The following KALRN variants were observed in gnomAD, a reference collection of about 807,000 sequenced individuals.
The protein encoded by KALRN is kalirin.
KALRN carries 70 observed loss-of-function variants against 353.7 expected under a neutral mutation model. The observed-to-expected ratio is 0.20, with a 90% confidence interval of 0.16 to 0.24. KALRN has a LOEUF of 0.24. Among genes scored for constraint, KALRN ranks in the 10% least tolerant of loss-of-function variants. KALRN has a pLI of 1.00. For synonymous variants in KALRN, 1,391 were observed against 1,434.8 expected, an observed-to-expected ratio of 0.97 and a Z score of 0.69; for missense variants, 2,791 against 3,756.7, an observed-to-expected ratio of 0.74 and a Z score of 6.72.
At chr3:124,363,995 C>G (rs2084352625) in intron 10 of KALRN, among the ~76,000 whole-genome samples, 1 of 152,212 alleles carries the variant, frequency 6.6e-6, no homozygotes, top group Non-Finnish European at 1.5e-5. Flanking sequence ...AGTGACCTCT[C>G]AACAGCAAGC....
intron 57 of KALRN, among the ~76,000 whole-genome samples, chr3:124,708,545 T>C (rs1203872800): frequency 1.3e-5 from 2 of 152,020 alleles, no homozygotes; most frequent in Non-Finnish European, 2.9e-5. Flanking sequence ...GTTGGTGAAA[T>C]TGAAGAGGAA....
At chr3:124,146,874 C>CAAAAAAAAAAA (rs34633708) in intron 1 of KALRN, among the ~76,000 whole-genome samples, 47 of 49,890 alleles carry the variant, frequency 9.4e-4, no homozygotes, top group Admixed American at 3.2e-3. Flanking sequence ...GACTCTGTCT[C>CAAAAAAAAAAA]AAAAAAAAAA....
chr3:124,677,490 G>A (rs1005304587), intron 49 of KALRN: 10 of 433,542 alleles, frequency 2.3e-5, no homozygotes, highest in African/African-American at 2.0e-4. Context: ...GCACACATTA[G>A]TTCTTGTCCC....
intron 35 of KALRN, among the ~76,000 whole-genome samples, chr3:124,633,627 CT>C (rs2081028241): frequency 9.7e-6 from 1 of 102,734 alleles, no homozygotes; most frequent in African/African-American, 4.7e-5. Context: ...GGTTTTGCTT[CT>C]TTTTGGGGGT....
rs1427655526 is a variant in KALRN at position 124,441,934 on chromosome 3, G to A, written c.3199-11G>A. ...GCTGGGACAGGGGCCTCACAGCTTT[G>A]TCTTTCGCAGGCCTGCACCCTGGCT... On this transcript the variant is annotated splice_polypyrimidine_tract_variant and intron_variant, in intron 18 of 59. Transcript: ENST00000682506. 2 of 1,544,342 alleles carry A rather than the reference G, an allele frequency of 1.3e-6. No homozygotes were observed. The highest frequency in any genetic ancestry group is 2.8e-5 in the African/African-American group (2 of 72,650).
At chr3:124,485,974 A>G (rs146331474) in intron 28 of KALRN, among the ~76,000 whole-genome samples, 2 of 152,346 alleles carry the variant, frequency 1.3e-5, no homozygotes, top group East Asian at 1.9e-4. Context: ...AGCTTTTACT[A>G]TAAATAATAT....
At chr3:124,585,966 C>T (rs1318000666) in intron 34 of KALRN, among the ~76,000 whole-genome samples, 1 of 152,212 alleles carries the variant, frequency 6.6e-6, no homozygotes, top group Non-Finnish European at 1.5e-5. Context: ...AAACACACAA[C>T]ATAGCCCTGA....
At chr3:124,055,748 G>T (rs1414561846) in intron 1 of KALRN, among the ~76,000 whole-genome samples, 2 of 152,262 alleles carry the variant, frequency 1.3e-5, no homozygotes, top group East Asian at 3.9e-4. Context: ...GATTTGATGG[G>T]ATCTGACTAC....
At chr3:124,356,875 C>T (rs192048000) in intron 10 of KALRN, among the ~76,000 whole-genome samples, 76 of 152,320 alleles carry the variant, frequency 5.0e-4, no homozygotes, top group African/African-American at 1.6e-3. Context: ...TCAACAGCCA[C>T]GCCTACTCTC....
intron 5 of KALRN, among the ~76,000 whole-genome samples, chr3:124,279,958 G>T (rs1168418868): frequency 6.6e-6 from 1 of 152,204 alleles, no homozygotes; most frequent in Non-Finnish European, 1.5e-5. Context: ...GGGAATGTCT[G>T]CAGTTGGGTG....
At chr3:124,264,094 A>C (rs1181813733) in intron 3 of KALRN, among the ~76,000 whole-genome samples, 1 of 148,704 alleles carries the variant, frequency 6.7e-6, no homozygotes, top group Non-Finnish European at 1.5e-5. Context: ...GAATGTTTGC[A>C]TTCTACTTGC....
At chr3:124,652,585 C>T (rs1192398036) in intron 38 of KALRN, among the ~76,000 whole-genome samples, 1 of 151,352 alleles carries the variant, frequency 6.6e-6, no homozygotes, top group Non-Finnish European at 1.5e-5. Flanking sequence ...AGTCACTACT[C>T]TTTTTTTTTG....
At chr3:124,226,443 C>A (rs578221517) in intron 1 of KALRN, among the ~76,000 whole-genome samples, 1 of 152,222 alleles carries the variant, frequency 6.6e-6, no homozygotes, top group South Asian at 2.1e-4. Context: ...TCAAAGTGAG[C>A]CTTGTAGCTG....
intron 33 of KALRN, among the ~76,000 whole-genome samples, chr3:124,520,745 G>A (rs1301735382): frequency 6.6e-6 from 1 of 152,202 alleles, no homozygotes; most frequent in African/African-American, 2.4e-5. Flanking sequence ...AAAGGAAGGG[G>A]AGGCAGAACC....
chr3:124,380,223 C>T (rs80299563), intron 10 of KALRN, among the ~76,000 whole-genome samples: 2,577 of 152,334 alleles, frequency 0.017, 37 homozygotes, highest in Non-Finnish European at 0.025. Context: ...TTCTCCGCCT[C>T]AGCCCAGGGA....
intron 1 of KALRN, among the ~76,000 whole-genome samples, chr3:124,077,701 A>T (rs1464777541): frequency 6.6e-6 from 1 of 152,110 alleles, no homozygotes; most frequent in African/African-American, 2.4e-5. Context: ...CTCCCAATCT[A>T]TTCTCCCCAT....
intron 33 of KALRN, chr3:124,519,313 A>G (rs2066962568): frequency 1.0e-6 from 1 of 983,722 alleles, no homozygotes; most frequent in Non-Finnish European, 1.2e-6. Context: ...TTTGTTTGCA[A>G]TTTTTCATAA....
chr3:124,490,636 T>C, intron 29 of KALRN, 58 bp from the exon 30 acceptor site: 2 of 1,519,334 alleles, frequency 1.3e-6, no homozygotes, highest in South Asian at 1.2e-5. Flanking sequence ...GGGTGGAACA[T>C]GGCCCCCTGA....
intron 33 of KALRN, among the ~76,000 whole-genome samples, chr3:124,517,493 T>C (rs552200978): frequency 1.3e-5 from 2 of 152,364 alleles, no homozygotes; most frequent in Non-Finnish European, 2.9e-5. Context: ...TGAACTTTTC[T>C]TTTGGCCAAG....
Sources: gnomAD v4.1 joint callset for allele counts (sites outside exome capture counted in the v4.1 genomes callset) on GRCh38, gnomAD v4.1.1 for gene constraint, MANE v1.5 for transcripts, NCBI Gene and HGNC (gene_info 2026-07-23, HGNC 2026-07-21) for gene names.